HEATR6: variants seen among roughly 807,000 people sequenced by gnomAD.
HEATR6 encodes HEAT repeat containing 6.
In HEATR6, 106 loss-of-function variants were observed where a neutral mutation model predicts 132.8. The observed-to-expected ratio is 0.80, with a 90% CI of 0.68 to 0.94. The LOEUF is 0.94. Ranked by LOEUF, HEATR6 falls within the 40% of genes least tolerant of loss-of-function variation. HEATR6 has a pLI of 0.00. For missense variants in HEATR6, 1,339 were observed against 1,425.1 expected (o/e 0.94, Z 0.97); for synonymous variants, 529 against 537.8 (o/e 0.98, Z 0.23).
At chr17:60,048,118 G>T in intron 17 of HEATR6, 146 bp downstream of exon 17, 1 of 648,722 alleles carries the variant, frequency 1.5e-6, no homozygotes, top group Non-Finnish European at 2.4e-6. Context: ...TTTATTTTCT[G>T]AAGGAATATC....
chr17:60,048,103 T>C (rs1366569307), intron 17 of HEATR6, among the ~76,000 whole-genome samples, 161 bp downstream of exon 17: 1 of 152,218 alleles, frequency 6.6e-6, no homozygotes, highest in East Asian at 1.9e-4. Context: ...GAACAGTTTA[T>C]TAATTTTATT....
Position 60,067,586 on chromosome 17 carries a change from G to A in HEATR6, c.1086C>T (p.Ser362=). 2 of 1,613,228 alleles carry A rather than the reference G, an allele frequency of 1.2e-6. No homozygotes were observed. The highest frequency in any genetic ancestry group is 1.7e-6 in the Non-Finnish European group (2 of 1,179,692). Residue 362 remains serine (S), a synonymous_variant, in exon 8 of 20, where the codon TCC becomes TCT. Coordinates refer to ENST00000184956, the MANE Select transcript of HEATR6 (RefSeq NM_022070.5). ...AAGGCAAACTCTGGACACCCAGGGA[G>A]GAGGGACACCAAGTGTTCCCTTCAT... The part of the protein sequence containing the change: ...NLHEGNTWCP[S]SLGVQSLPLD...
Position 60,048,248 on chromosome 17 carries a change from A to C in HEATR6, c.2672+16T>G, listed in dbSNP as rs555252715. ...ATCTCAGAAGTCAGCTGGGGAAAGC[A>C]AGCTCAGTCACCTACATGTTGACAA... is the stretch of plus-strand genomic sequence containing the variant. On this transcript the variant is annotated intron_variant, in intron 17 of 19. Coordinates refer to ENST00000184956, the MANE Select transcript of HEATR6 (RefSeq NM_022070.5). 5 of 1,606,970 alleles carry C rather than the reference A, an allele frequency of 3.1e-6. No individual in the cohort carries two copies. The highest frequency in any genetic ancestry group is 2.7e-5 in the African/African-American group (2 of 74,944).
chr17:60,046,753 G>A (rs2145179099), intron 18 of HEATR6, among the ~76,000 whole-genome samples: 2 of 152,320 alleles, frequency 1.3e-5, no homozygotes, highest in South Asian at 4.1e-4. Flanking sequence ...GTATTAAAGT[G>A]AGCACATGGT....
At position 60,057,357 on chromosome 17, in the gene HEATR6, C is replaced by T. The variant is rs752012847; in HGVS notation, c.1770G>A (p.Val590=). 6.2e-7 allele frequency: 1 copy of T among 1,612,924 alleles called. No homozygotes were observed. The highest frequency in any genetic ancestry group is 8.5e-7 in the Non-Finnish European group (1 of 1,179,330). The change falls in exon 12 of 20, where the codon GTG becomes GTA. Residue 590 remains valine, a synonymous_variant. Transcript: ENST00000184956. Reference sequence around the variant, plus strand: ...CTTCAGGTAAAGGTGCGTGGGTGGACACTATAGCTCCCAAGAGTGTGAGAC... The same window carrying T: ...CTTCAGGTAAAGGTGCGTGGGTGGATACTATAGCTCCCAAGAGTGTGAGAC... ...VSSLTLLGAI[V]STHAPLPEVQ...
At chr17:60,055,149 C>T (rs1406193958) in intron 14 of HEATR6, among the ~76,000 whole-genome samples, 2 of 152,128 alleles carry the variant, frequency 1.3e-5, no homozygotes, top group African/African-American at 4.8e-5. Context: ...TGCCTTCCAC[C>T]AGGATTTAAA....
intron 2 of HEATR6, among the ~76,000 whole-genome samples, chr17:60,075,244 C>T (rs925738099): frequency 1.1e-4 from 16 of 152,150 alleles, no homozygotes; most frequent in African/African-American, 3.9e-4. Context: ...GTGAGACATG[C>T]TAGCTGAGGA....
chr17:60,066,710 C>T (rs988994441), intron 8 of HEATR6, among the ~76,000 whole-genome samples: 7 of 152,186 alleles, frequency 4.6e-5, no homozygotes, highest in Non-Finnish European at 1.0e-4. Context: ...TCCATCCATT[C>T]AACGAATATC....
rs1325992339 is a variant in HEATR6 at position 60,056,154 on chromosome 17, C to T, written c.2163G>A (p.Met721Ile). Residue 721 changes from methionine to isoleucine, a missense_variant, in exon 13 of 20, where the codon ATG becomes ATA. Transcript: ENST00000184956. ...MELGEVICKC[M>I]GEADPSIQLH... ...GCTGAATGGATGGATCTGCTTCCCC[C>T]ATGCACTTGCAAATCACCTCTCCAA... 2 of 1,613,996 alleles carry T rather than the reference C, an allele frequency of 1.2e-6. No individual in the cohort carries two copies. The highest frequency in any genetic ancestry group is 2.2e-5 in the East Asian group (1 of 44,888).
intron 8 of HEATR6, among the ~76,000 whole-genome samples, chr17:60,066,780 C>T (rs1301491291): frequency 1.3e-5 from 2 of 152,182 alleles, no homozygotes; most frequent in African/African-American, 4.8e-5. Flanking sequence ...ATAAACAAAG[C>T]CCCAGCCTTG....
At chr17:60,074,312 G>C (rs1000959209) in intron 2 of HEATR6, among the ~76,000 whole-genome samples, 2 of 152,214 alleles carry the variant, frequency 1.3e-5, no homozygotes, top group Non-Finnish European at 2.9e-5. Context: ...ACCATGAAGA[G>C]AGGGCATATC....
Position 60,072,241 on chromosome 17 carries a change from C to G in HEATR6, c.673G>C (p.Asp225His). The G allele has an allele frequency of 1.9e-6, 3 of 1,594,146 alleles. No homozygotes were observed. The highest frequency in any genetic ancestry group is 2.6e-6 in the Non-Finnish European group (3 of 1,163,780). The part of the protein sequence containing the change: ...LTILQSPKSS[D>H]MDDITFCMLL... ...ATGCAAAATGTGATATCATCCATAT[C>G]AGATGATTTTGGAGACTGTAAAATA... Residue 225 changes from aspartate to histidine, a missense_variant, in exon 5 of 20, where the codon GAT becomes CAT. Transcript: ENST00000184956.
rs1259881117 is a variant in HEATR6 at position 60,057,171 on chromosome 17, C to A, written c.1956G>T (p.Trp652Cys). 3.1e-6 allele frequency: 5 copies of A among 1,614,002 alleles called. No individual in the cohort carries two copies. The highest frequency in any genetic ancestry group is 4.2e-6 in the Non-Finnish European group (5 of 1,179,996). ...CAATGGAAATGCAGAGTCGAATGAG[C>A]CAGCAGGGCTCTGAAGACCCCTTAG... The part of the protein sequence containing the change: ...SSPKGSSEPC[W>C]LIRLCISIVV... The change falls in exon 12 of 20, where the codon TGG becomes TGT. Residue 652 changes from tryptophan to cysteine, a missense_variant. Trp to Cys is a radical substitution (Grantham distance 215). Coordinates refer to ENST00000184956, the MANE Select transcript of HEATR6 (RefSeq NM_022070.5).
In HEATR6 at chr17:60,042,429, C is replaced by T. The variant is rs8070755; in HGVS notation, c.*1134G>A. On this transcript the variant is annotated 3_prime_UTR_variant, in exon 20 of 20. Coordinates refer to ENST00000184956, the MANE Select transcript of HEATR6 (RefSeq NM_022070.5). Reference sequence around the variant, plus strand: ...GGCTGTGAGGCACTGTCAGCATCCTCGCGTCCTGTGCGGCTGTGAGGCACT... The same window carrying T: ...GGCTGTGAGGCACTGTCAGCATCCTTGCGTCCTGTGCGGCTGTGAGGCACT... 0.022 allele frequency among the ~76,000 whole-genome samples: 2,024 copies of T among 92,302 alleles called. 4 individuals carry two copies. The highest frequency in any genetic ancestry group is 0.051 in the African/African-American group (705 of 13,950). The allele number at this position is 92,302 out of a possible 152,430, so 60.6% of individuals were successfully genotyped here. A position where few individuals can be genotyped will look rare whatever the true frequency, so the allele number is the denominator to read the frequency against.
At chr17:60,064,864 G>C (rs2083231791) in intron 9 of HEATR6, 1 of 152,052 alleles carries the variant, frequency 6.6e-6, no homozygotes, top group African/African-American at 2.4e-5. Flanking sequence ...ATTTTCATCA[G>C]CTATGACCTC....
intron 8 of HEATR6, among the ~76,000 whole-genome samples, 165 bp downstream of exon 8, chr17:60,067,269 C>CAAA (rs11339664): frequency 9.8e-5 from 6 of 61,084 alleles, no homozygotes; most frequent in Admixed American, 1.6e-4. Context: ...GACTCCGTCT[C>CAAA]AAAAAAAAAA....
chr17:60,072,133 A>G, intron 5 of HEATR6, 82 bp downstream of exon 5: 1 of 578,802 alleles, frequency 1.7e-6, no homozygotes, highest in Admixed American at 3.2e-5. Context: ...TAATGGTGCA[A>G]ATTAAACTCG....
chr17:60,067,424 ATAC>A lies in HEATR6; in HGVS notation c.1238+7_1238+9del. 1.3e-6 allele frequency: 2 copies of A among 1,510,850 alleles called. No homozygotes were observed. Among genetic ancestry groups the A allele is most frequent in the Non-Finnish European group, 8.8e-7 (1 of 1,131,588 alleles). 93.6% of individuals were successfully genotyped at this position (1,510,850 alleles called of 1,614,324 possible). On this transcript the variant is annotated splice_region_variant and intron_variant, in intron 8 of 19. Coordinates refer to ENST00000184956, the MANE Select transcript of HEATR6 (RefSeq NM_022070.5). ...ATACAAGGTATAAAAATGTAACAAAATACTACTACCTCATTTTACTCTGCATGC... is the reference window on the plus strand; with the variant it reads ...ATACAAGGTATAAAAATGTAACAAAATACTACCTCATTTTACTCTGCATGC...
chr17:60,054,263 G>A (rs1753850919), intron 14 of HEATR6, among the ~76,000 whole-genome samples: 1 of 152,258 alleles, frequency 6.6e-6, no homozygotes, highest in South Asian at 2.1e-4. Context: ...CAGATGCACA[G>A]AATTCAAATG....
Sources: gnomAD v4.1 joint callset for allele counts (sites outside exome capture counted in the v4.1 genomes callset) on GRCh38, gnomAD v4.1.1 for gene constraint, MANE v1.5 for transcripts, NCBI Gene and HGNC (gene_info 2026-07-23, HGNC 2026-07-21) for gene names.